Variants in LINGO2 observed in about 807,000 individuals in gnomAD.
LINGO2 encodes leucine-rich repeat and immunoglobulin-like domain-containing nogo receptor-interacting protein 2.
LINGO2 carries 14 observed loss-of-function variants against 30.6 expected under a neutral mutation model. The observed-to-expected ratio is 0.46, with a 90% CI of 0.30 to 0.72. The LOEUF is 0.72. Ranked by LOEUF, LINGO2 falls within the 30% of genes least tolerant of loss-of-function variation. The pLI, the probability that LINGO2 is intolerant of heterozygous loss-of-function variation, is 0.07. For synonymous variants in LINGO2, 317 were observed against 288.5 expected, an observed-to-expected ratio of 1.10 and a Z score of -1.00; for missense variants, 729 against 751.7, an observed-to-expected ratio of 0.97 and a Z score of 0.35.
intron 1 of LINGO2, among the ~76,000 whole-genome samples, chr9:28,621,782 A>G (rs1826410041): frequency 6.6e-6 from 1 of 152,090 alleles, no homozygotes; most frequent in Non-Finnish European, 1.5e-5. Flanking sequence ...CCCAGTGCAT[A>G]TGAAAGTTAT....
chr9:29,013,257 G>A, the LINGO2 span, among the ~76,000 whole-genome samples: 6 of 152,130 alleles, frequency 3.9e-5, no homozygotes, highest in Admixed American at 3.3e-4. Flanking sequence ...GGGAAGTTTG[G>A]AAGAACTGCT....
chr9:28,959,620 A>T, the LINGO2 span, among the ~76,000 whole-genome samples: 10 of 145,730 alleles, frequency 6.9e-5, no homozygotes, highest in African/African-American at 1.6e-4. Context: ...CCTCACACAC[A>T]CACACACACA....
chr9:29,201,862 A>G, the LINGO2 span, among the ~76,000 whole-genome samples: 1 of 152,016 alleles, frequency 6.6e-6, no homozygotes, highest in African/African-American at 2.4e-5. Flanking sequence ...TATTTTACAT[A>G]TTAGGAAACT....
chr9:28,184,082 A>G (rs1249280910), intron 4 of LINGO2, among the ~76,000 whole-genome samples: 3 of 152,176 alleles, frequency 2.0e-5, no homozygotes, highest in Admixed American at 1.3e-4. Context: ...TTGCTGGATT[A>G]AAGAAAAAGA....
the LINGO2 span, among the ~76,000 whole-genome samples, chr9:29,083,598 G>A: frequency 6.6e-5 from 10 of 150,996 alleles, no homozygotes; most frequent in African/African-American, 2.4e-4. Flanking sequence ...AAAAAAAGAA[G>A]AATGCACCTG....
At chr9:28,112,145 T>A (rs1327373479) in intron 4 of LINGO2, among the ~76,000 whole-genome samples, 2 of 76,140 alleles carry the variant, frequency 2.6e-5, no homozygotes, top group Admixed American at 3.0e-4. Context: ...CACCTATGAG[T>A]GAGAATATGC....
At chr9:29,113,060 C>T in the LINGO2 span, among the ~76,000 whole-genome samples, 1 of 152,122 alleles carries the variant, frequency 6.6e-6, no homozygotes, top group Non-Finnish European at 1.5e-5. Context: ...TCGTAATTGT[C>T]AAAGGAGAAA....
intron 5 of LINGO2, among the ~76,000 whole-genome samples, chr9:27,999,743 T>C (rs1821854368): frequency 6.6e-6 from 1 of 152,148 alleles, no homozygotes; most frequent in Admixed American, 6.5e-5. Context: ...AGGACTTCTA[T>C]AGATTAGGAG....
intron 4 of LINGO2, among the ~76,000 whole-genome samples, chr9:28,084,842 G>A (rs1381115904): frequency 6.6e-6 from 1 of 152,154 alleles, no homozygotes; most frequent in Non-Finnish European, 1.5e-5. Context: ...TAATTTTCCT[G>A]GGAAAGGAGA....
chr9:28,769,384 GTTTC>G, the LINGO2 span, among the ~76,000 whole-genome samples: 2 of 134,116 alleles, frequency 1.5e-5, no homozygotes, highest in Non-Finnish European at 3.1e-5. Context: ...GTTACTCATT[GTTTC>G]TTTAAGTACA....
the LINGO2 span, among the ~76,000 whole-genome samples, chr9:28,779,172 G>A: frequency 1.2e-4 from 18 of 152,078 alleles, no homozygotes; most frequent in Non-Finnish European, 1.8e-4. Flanking sequence ...CCTTTCAATC[G>A]TTTTTAAAAT....
the LINGO2 span, among the ~76,000 whole-genome samples, chr9:28,931,309 T>C: frequency 6.6e-6 from 1 of 152,238 alleles, no homozygotes; most frequent in Non-Finnish European, 1.5e-5. Context: ...CATGGCATGC[T>C]TAATTTGCAG....
chr9:28,109,041 T>A (rs1182304830), intron 4 of LINGO2, among the ~76,000 whole-genome samples: 1 of 152,174 alleles, frequency 6.6e-6, no homozygotes, highest in Non-Finnish European at 1.5e-5. Flanking sequence ...AAAAAGCTTA[T>A]CCACCACGAT....
chr9:29,014,892 A>C, the LINGO2 span, among the ~76,000 whole-genome samples: 1 of 152,146 alleles, frequency 6.6e-6, no homozygotes, highest in Non-Finnish European at 1.5e-5. Flanking sequence ...AATCAGAGTC[A>C]ACAATCTTTC....
At chr9:28,119,190 C>A (rs1333371426) in intron 4 of LINGO2, among the ~76,000 whole-genome samples, 2 of 152,182 alleles carry the variant, frequency 1.3e-5, no homozygotes, top group African/African-American at 4.8e-5. Flanking sequence ...TGGATTTTAG[C>A]ATGTAGGTCA....
At chr9:28,311,347 C>T (rs931421096) in intron 3 of LINGO2, among the ~76,000 whole-genome samples, 11 of 152,098 alleles carry the variant, frequency 7.2e-5, no homozygotes, top group African/African-American at 2.7e-4. Flanking sequence ...TTGATAACAT[C>T]TTATCAGGAG....
At chr9:28,860,374 G>A in the LINGO2 span, among the ~76,000 whole-genome samples, 1 of 151,948 alleles carries the variant, frequency 6.6e-6, no homozygotes, top group Non-Finnish European at 1.5e-5. Context: ...CCTATAAGTT[G>A]AAATCCTTAA....
At chr9:28,915,788 T>A in the LINGO2 span, among the ~76,000 whole-genome samples, 18 of 152,166 alleles carry the variant, frequency 1.2e-4, no homozygotes, top group Non-Finnish European at 1.9e-4. Flanking sequence ...ATATGTATTA[T>A]CCCTGTCCTG....
At chr9:28,778,490 T>C in the LINGO2 span, among the ~76,000 whole-genome samples, 2 of 152,160 alleles carry the variant, frequency 1.3e-5, no homozygotes, top group Non-Finnish European at 2.9e-5. Flanking sequence ...ACAGCTATTT[T>C]CTAAATTTAA....
Sources: allele counts gnomAD v4.1 joint callset (sites outside exome capture counted in the v4.1 genomes callset), GRCh38; gene constraint gnomAD v4.1.1; transcripts MANE v1.5; gene names NCBI Gene and HGNC (gene_info 2026-07-23, HGNC 2026-07-21).